PPFIBP1: variants seen among roughly 807,000 people sequenced by gnomAD.
PPFIBP1 encodes PPFIB scaffold protein 1.
Under a neutral mutation model 137.8 loss-of-function variants are expected in PPFIBP1, and 112 were observed. The ratio of observed to expected loss-of-function variants is 0.81; its 90% CI spans 0.70 to 0.95. The LOEUF is 0.95. Among genes scored for constraint, PPFIBP1 ranks in the 40% least tolerant of loss-of-function variants. The pLI is 0.00. For missense variants in PPFIBP1, 1,083 were observed against 1,196.6 expected (o/e 0.91, Z 1.40); for synonymous variants, 378 against 417.3 (o/e 0.91, Z 1.15).
intron 9 of PPFIBP1, 24 bp downstream of exon 9, chr12:27,656,754 A>T (rs375907782): frequency 6.9e-7 from 1 of 1,459,014 alleles, no homozygotes; most frequent in African/African-American, 1.4e-5. Context: ...TTTCACATTT[A>T]TCATCTCATT....
chr12:27,668,830 TA>T (rs1200525712), intron 13 of PPFIBP1, among the ~76,000 whole-genome samples: 1 of 152,110 alleles, frequency 6.6e-6, no homozygotes, highest in African/African-American at 2.4e-5. Context: ...CTTCCTAAGG[TA>T]TTTTTTTTTC....
intron 1 of PPFIBP1, among the ~76,000 whole-genome samples, chr12:27,535,844 C>T (rs1212422821): frequency 1.3e-5 from 2 of 152,198 alleles, no homozygotes; most frequent in African/African-American, 4.8e-5. Context: ...GACATGTGCA[C>T]ATTCTACTGA....
At chr12:27,676,958 G>C in intron 18 of PPFIBP1, 106 bp from the exon 19 acceptor site, 1 of 1,443,030 alleles carries the variant, frequency 6.9e-7, no homozygotes, top group Non-Finnish European at 9.7e-7. Flanking sequence ...TCTCCTCCAC[G>C]GTGTGTATTT....
At chr12:27,679,847 G>A in intron 20 of PPFIBP1, 86 bp from the exon 21 acceptor site, 3 of 1,519,608 alleles carry the variant, frequency 2.0e-6, no homozygotes, top group East Asian at 4.5e-5. Flanking sequence ...ATTAGTTCCA[G>A]TAGGTGCACT....
intron 21 of PPFIBP1, among the ~76,000 whole-genome samples, chr12:27,680,600 G>C (rs965200129): frequency 1.3e-5 from 2 of 152,110 alleles, no homozygotes; most frequent in African/African-American, 4.8e-5. Context: ...AGAAACATTA[G>C]CATGTAACAG....
At position 27,639,205 on chromosome 12, in the gene PPFIBP1, C is replaced by T. The variant is rs537714561; in HGVS notation, c.270+4090C>T. 2.2e-4 allele frequency among the ~76,000 whole-genome samples: 33 copies of T among 151,792 alleles called. No individual in the cohort carries two copies. The East Asian group carries it at 3.7e-3, about 17-fold the overall frequency. ...AAATTTCTTTTAAAATTCAGAAGTG[C>T]GTCTCCTGTGGTTAAAAAAAACTGT... On this transcript the variant is annotated intron_variant, in intron 4 of 29. Coordinates refer to ENST00000228425, the MANE Select transcript of PPFIBP1 (RefSeq NM_003622.4).
At chr12:27,667,109 A>C (rs1348302135) in intron 12 of PPFIBP1, 57 bp from the exon 13 acceptor site, 1 of 1,419,820 alleles carries the variant, frequency 7.0e-7, no homozygotes, top group Non-Finnish European at 9.3e-7. Flanking sequence ...CTTCTTGTAA[A>C]AGTGAAATAT....
At chr12:27,683,679 C>T (rs1192536953) in intron 24 of PPFIBP1, among the ~76,000 whole-genome samples, 5 of 152,248 alleles carry the variant, frequency 3.3e-5, no homozygotes, top group African/African-American at 9.6e-5. Flanking sequence ...CCCTGCTTTA[C>T]AGCAGTGAGA....
At chr12:27,605,704 A>G (rs2054458837) in intron 2 of PPFIBP1, among the ~76,000 whole-genome samples, 1 of 152,188 alleles carries the variant, frequency 6.6e-6, no homozygotes, top group African/African-American at 2.4e-5. Flanking sequence ...TGGGCCACAC[A>G]ATTCAACGCA....
intron 1 of PPFIBP1, among the ~76,000 whole-genome samples, chr12:27,566,277 GC>G (rs1448252637): frequency 2.6e-5 from 4 of 152,044 alleles, no homozygotes; most frequent in Non-Finnish European, 5.9e-5. Context: ...GCTAGGTTTG[GC>G]CCATGATAGT....
chr12:27,681,423 A>T, intron 21 of PPFIBP1, 123 bp from the exon 22 acceptor site: 1 of 1,126,108 alleles, frequency 8.9e-7, no homozygotes, highest in Admixed American at 2.3e-5. Flanking sequence ...TAAGCTTTTC[A>T]TGGTCAAATG....
At chr12:27,536,590 C>T (rs900554365) in intron 1 of PPFIBP1, among the ~76,000 whole-genome samples, 1 of 152,138 alleles carries the variant, frequency 6.6e-6, no homozygotes, top group African/African-American at 2.4e-5. Context: ...GGGATCCGCC[C>T]CCACGATCCA....
intron 27 of PPFIBP1, among the ~76,000 whole-genome samples, chr12:27,690,964 T>G (rs2061498167): frequency 1.3e-5 from 2 of 151,928 alleles, no homozygotes; most frequent in South Asian, 4.2e-4. Context: ...CTTGATGGGT[T>G]ACTGGGTCCT....
intron 1 of PPFIBP1, among the ~76,000 whole-genome samples, chr12:27,551,402 G>T (rs553655837): frequency 6.6e-6 from 1 of 152,278 alleles, no homozygotes; most frequent in Non-Finnish European, 1.5e-5. Flanking sequence ...TCTAAACCTG[G>T]CATTAGCTAG....
chr12:27,584,164 C>T (rs558359595), intron 2 of PPFIBP1: 20 of 152,374 alleles, frequency 1.3e-4, no homozygotes, highest in African/African-American at 4.8e-4. Context: ...TTAACACTGA[C>T]ACACACCCAA....
chr12:27,559,685 G>T (rs544563714), intron 1 of PPFIBP1, among the ~76,000 whole-genome samples: 5 of 152,164 alleles, frequency 3.3e-5, no homozygotes, highest in Non-Finnish European at 5.9e-5. Context: ...TTTACAATTG[G>T]ATCATAAGGA....
chr12:27,680,588 C>T (rs1250724420), intron 21 of PPFIBP1, among the ~76,000 whole-genome samples: 1 of 152,118 alleles, frequency 6.6e-6, no homozygotes. Context: ...AATAACTACT[C>T]AAGAAACATT....
intron 1 of PPFIBP1, among the ~76,000 whole-genome samples, chr12:27,569,654 G>A (rs1315029221): frequency 6.6e-6 from 1 of 152,144 alleles, no homozygotes; most frequent in African/African-American, 2.4e-5. Flanking sequence ...CTCCCAGGGG[G>A]TTCAAGCAAT....
chr12:27,609,783 C>T (rs1442402590), intron 2 of PPFIBP1, among the ~76,000 whole-genome samples: 3 of 152,170 alleles, frequency 2.0e-5, no homozygotes, highest in African/African-American at 7.2e-5. Flanking sequence ...CTGACTGTTT[C>T]ACTTCCTGAA....
Sources: gnomAD v4.1 joint callset for allele counts (sites outside exome capture counted in the v4.1 genomes callset) on GRCh38, gnomAD v4.1.1 for gene constraint, MANE v1.5 for transcripts, NCBI Gene and HGNC (gene_info 2026-07-23, HGNC 2026-07-21) for gene names.